RALGAPA1: variants seen among roughly 807,000 people sequenced by gnomAD.
The protein encoded by RALGAPA1 is ral GTPase-activating protein subunit alpha-1.
In RALGAPA1, 52 loss-of-function variants were observed where a neutral mutation model predicts 269.6. The ratio of observed to expected loss-of-function variants is 0.19; its 90% CI spans 0.15 to 0.24. RALGAPA1 has a LOEUF of 0.24. Among genes scored for constraint, RALGAPA1 ranks in the 10% least tolerant of loss-of-function variants. The pLI is 1.00. For synonymous variants in RALGAPA1, 817 were observed against 1,008.3 expected (o/e 0.81, Z 3.60); for missense variants, 1,917 against 3,013.9 (o/e 0.64, Z 8.52).
At chr14:35,719,145 A>G (rs1041724902) in intron 16 of RALGAPA1, among the ~76,000 whole-genome samples, 1 of 152,162 alleles carries the variant, frequency 6.6e-6, no homozygotes, top group Admixed American at 6.5e-5. Context: ...CCTGGCCAAC[A>G]GGGTGAAATC....
intron 39 of RALGAPA1, among the ~76,000 whole-genome samples, chr14:35,563,412 GGACACATAAGGT>G (rs1397133482): frequency 2.0e-5 from 3 of 152,126 alleles, no homozygotes; most frequent in African/African-American, 7.2e-5. Context: ...TGACTTAGCT[GGACACATAAGGT>G]GCCCTGGGCG....
In RALGAPA1 at chr14:35,677,976, G is replaced by A; in HGVS notation, c.4598C>T (p.Ser1533Phe). 6.2e-7 allele frequency: 1 copy of A among 1,613,594 alleles called. No individual in the cohort carries two copies. The highest frequency in any genetic ancestry group is 2.2e-5 in the East Asian group (1 of 44,838). The change falls in exon 22 of 42, where the codon TCT (serine) becomes TTT (phenylalanine). Residue 1533 changes from serine to phenylalanine, a missense_variant. Ser to Phe is a radical substitution (Grantham distance 155, BLOSUM62 -2). This residue lies in a region of RALGAPA1 where 73 missense variants were observed against 190.6 expected (regional missense o/e 0.38). Coordinates refer to ENST00000680220, the MANE Select transcript of RALGAPA1 (RefSeq NM_001346249.2). ...TAGATCATCTGGTGTCTGAAGAACAGAGTGGTGGAGCTTCTCGTCGAGCTG... is the reference window on the plus strand; with the variant it reads ...TAGATCATCTGGTGTCTGAAGAACAAAGTGGTGGAGCTTCTCGTCGAGCTG... Reference protein sequence around the residue: ...DLQLDEKLHHSVLQTPDDLEI... With the variant: ...DLQLDEKLHHFVLQTPDDLEI...
intron 16 of RALGAPA1, among the ~76,000 whole-genome samples, chr14:35,702,726 A>ATAT (rs55963758): frequency 0.019 from 2,669 of 143,446 alleles, 38 homozygotes; most frequent in Middle Eastern, 0.04. Flanking sequence ...AAAAAAAAAA[A>ATAT]ATATATATAT....
intron 26 of RALGAPA1, among the ~76,000 whole-genome samples, chr14:35,669,378 C>T (rs143203995): frequency 2.1e-4 from 32 of 152,222 alleles, no homozygotes; most frequent in African/African-American, 7.2e-4. Flanking sequence ...TGTCAGCCTC[C>T]CCAGTAGCTG....
intron 35 of RALGAPA1, among the ~76,000 whole-genome samples, chr14:35,611,962 T>G (rs1346243081): frequency 1.3e-5 from 2 of 152,230 alleles, no homozygotes; most frequent in African/African-American, 2.4e-5. Flanking sequence ...CAGAATCATG[T>G]GACCAGAAAT....
At chr14:35,688,037 G>A (rs1281554851) in intron 18 of RALGAPA1, among the ~76,000 whole-genome samples, 2 of 152,162 alleles carry the variant, frequency 1.3e-5, no homozygotes, top group East Asian at 3.8e-4. Context: ...TAGATCAGCA[G>A]TAAAAATAAG....
In RALGAPA1 at chr14:35,634,617, A is replaced by G. The variant is rs773720279; in HGVS notation, c.5952T>C (p.Ser1984=). 8.7e-6 allele frequency: 14 copies of G among 1,613,390 alleles called. No individual in the cohort carries two copies. The highest frequency in any genetic ancestry group is 1.2e-5 in the Non-Finnish European group (14 of 1,179,630). The change falls in exon 33 of 42, where the codon TCT becomes TCC. Residue 1984 remains serine (S), a synonymous_variant. Transcript: ENST00000680220. Reference sequence around the variant, plus strand: ...GTTTAGAAGATCGTTCTGAGTCAGGAGAGTGCAGAGGCTCAGGCTCTTTCA... The same window carrying G: ...GTTTAGAAGATCGTTCTGAGTCAGGGGAGTGCAGAGGCTCAGGCTCTTTCA... The part of the protein sequence containing the change: ...ESLKEPEPLH[S]PDSERSSKLQ...
At chr14:35,785,919 T>C (rs1322234362) in intron 1 of RALGAPA1, among the ~76,000 whole-genome samples, 2 of 152,200 alleles carry the variant, frequency 1.3e-5, no homozygotes, top group Non-Finnish European at 2.9e-5. Context: ...GGCTTATGCC[T>C]GATACCAGCA....
At chr14:35,631,229 C>T (rs2061341674) in intron 33 of RALGAPA1, among the ~76,000 whole-genome samples, 1 of 152,142 alleles carries the variant, frequency 6.6e-6, no homozygotes, top group African/African-American at 2.4e-5. Flanking sequence ...TAGGAGATGT[C>T]TTTTGCTTCC....
intron 37 of RALGAPA1, chr14:35,572,971 T>C: frequency 4.2e-6 from 1 of 237,530 alleles, no homozygotes; most frequent in Non-Finnish European, 8.1e-6. Context: ...GCCCAAATAC[T>C]CTCCTTAACC....
intron 7 of RALGAPA1, 67 bp from the exon 8 acceptor site, chr14:35,752,229 A>T: frequency 7.2e-7 from 1 of 1,393,640 alleles, no homozygotes; most frequent in Non-Finnish European, 9.5e-7. Context: ...AGTATTAGCA[A>T]TTATAAACAA....
chr14:35,782,982 T>C (rs1389538845), intron 1 of RALGAPA1, among the ~76,000 whole-genome samples: 1 of 151,972 alleles, frequency 6.6e-6, no homozygotes, highest in Admixed American at 6.6e-5. Context: ...CCATTACACC[T>C]GGCTCATTTT....
intron 36 of RALGAPA1, among the ~76,000 whole-genome samples, chr14:35,598,542 C>T (rs554540582): frequency 5.1e-4 from 78 of 152,104 alleles, no homozygotes; most frequent in Non-Finnish European, 9.8e-4. Flanking sequence ...GCCTCAGCCT[C>T]CTGAGTAGCT....
intron 1 of RALGAPA1, among the ~76,000 whole-genome samples, chr14:35,791,298 A>T (rs2076150700): frequency 6.6e-6 from 1 of 152,202 alleles, no homozygotes; most frequent in African/African-American, 2.4e-5. Context: ...TATGCAACAT[A>T]TGTCTTTCAC....
At chr14:35,565,358 CTT>C (rs1040556256) in intron 39 of RALGAPA1, among the ~76,000 whole-genome samples, 3 of 150,436 alleles carry the variant, frequency 2.0e-5, no homozygotes, top group Non-Finnish European at 3.0e-5. Context: ...ATATTATACT[CTT>C]AATTACTGTA....
intron 29 of RALGAPA1, 49 bp downstream of exon 29, chr14:35,655,757 AT>A (rs771200529): frequency 1.9e-6 from 3 of 1,571,050 alleles, no homozygotes; most frequent in South Asian, 2.4e-5. Context: ...GGAGAAAAAA[AT>A]ATGCATTCTC....
chr14:35,715,714 T>C, intron 16 of RALGAPA1: 4 of 985,284 alleles, frequency 4.1e-6, no homozygotes, highest in Non-Finnish European at 4.8e-6. Flanking sequence ...GACCTGAAAT[T>C]AACTTGTATC....
At chr14:35,719,810 G>A (rs1305335943) in intron 16 of RALGAPA1, among the ~76,000 whole-genome samples, 1 of 151,010 alleles carries the variant, frequency 6.6e-6, no homozygotes, top group Admixed American at 6.6e-5. Flanking sequence ...GTCGCTCCAG[G>A]CTTGATCTCT....
intron 1 of RALGAPA1, among the ~76,000 whole-genome samples, chr14:35,805,026 G>A (rs1595622325): frequency 6.6e-6 from 1 of 151,780 alleles, no homozygotes; most frequent in Non-Finnish European, 1.5e-5. Context: ...GGTGGCTCAC[G>A]CCTGTAATCC....
Sources: gnomAD v4.1 joint callset for allele counts (sites outside exome capture counted in the v4.1 genomes callset) on GRCh38, gnomAD v4.1.1 for gene constraint, gnomAD v4.1.1 regional missense constraint, MANE v1.5 for transcripts, NCBI Gene and HGNC (gene_info 2026-07-23, HGNC 2026-07-21) for gene names.